Variants in KCNJ5 observed in about 807,000 individuals in gnomAD.
KCNJ5 encodes the protein G protein-activated inward rectifier potassium channel 4.
KCNJ5 carries 12 observed loss-of-function variants against 20.2 expected under a neutral mutation model. The observed-to-expected ratio is 0.59, with a 90% CI of 0.38 to 0.96. KCNJ5 has a LOEUF of 0.96. Ranked by LOEUF, KCNJ5 falls within the 40% of genes least tolerant of loss-of-function variation. KCNJ5 has a pLI of 0.00. For missense variants in KCNJ5, 449 were observed against 557.6 expected (o/e 0.81, Z 1.96); for synonymous variants, 210 against 213.9 (o/e 0.98, Z 0.16).
rs1944611103 is a variant in KCNJ5, at chr11:128,917,878, A to AC, written c.*1151dup. 2 of 152,336 alleles carry AC rather than the reference A, an allele frequency of 1.3e-5. No homozygotes were observed. Among genetic ancestry groups the AC allele is most frequent in the South Asian group, 4.1e-4 (2 of 4,844 alleles). The allele number at this position is 152,336 out of a possible 1,614,324, so 9.4% of individuals were successfully genotyped here. On this transcript the variant is annotated 3_prime_UTR_variant, in exon 3 of 3. Transcript: ENST00000529694. ...AGACCATCCTGGCTAACACGGTGAAACCCCGTCTCTACTGAAAATACAAAA... is the reference window on the plus strand; with the variant it reads ...AGACCATCCTGGCTAACACGGTGAAACCCCCGTCTCTACTGAAAATACAAAA...
chr11:128,891,460 A>AGAGAGG lies in KCNJ5; in HGVS notation c.-267_-266insGGAGAG, dbSNP rs1565540573. 1.4e-3 allele frequency: 208 copies of AGAGAGG among 150,660 alleles called. 1 individual carries two copies. The highest frequency in any genetic ancestry group is 5.0e-3 in the African/African-American group (198 of 39,818). The allele number at this position is 150,660 out of a possible 1,614,324, so 9.3% of individuals were successfully genotyped here. On this transcript the variant is annotated 5_prime_UTR_variant, in exon 1 of 3. Transcript: ENST00000529694. ...CACACACAGAGAGAGAGAGAGAGAG[A>AGAGAGG]GAGAGAGAGAGAGAGATTGTTCCAG...
chr11:128,904,401 G>C (rs762492250), intron 1 of KCNJ5: 1 of 1,613,242 alleles, frequency 6.2e-7, no homozygotes, highest in Non-Finnish European at 8.5e-7. Flanking sequence ...TGCGGACAGA[G>C]AACGCATCAA....
At chr11:128,902,635 G>A (rs1055859188) in intron 1 of KCNJ5, 100 of 1,613,934 alleles carry the variant, frequency 6.2e-5, no homozygotes, top group Non-Finnish European at 8.5e-5. Context: ...CATGGGCCTT[G>A]CAGATTGAGT....
chr11:128,915,987 TGGA>T (rs1944572891), intron 2 of KCNJ5, among the ~76,000 whole-genome samples: 23 of 3,824 alleles, frequency 6.0e-3, no homozygotes, highest in Admixed American at 0.054. Context: ...GATGGATGAT[TGGA>T]TGGATGGATG....
intron 1 of KCNJ5, among the ~76,000 whole-genome samples, chr11:128,897,553 C>A (rs1944197120): frequency 6.6e-6 from 1 of 152,184 alleles, no homozygotes; most frequent in South Asian, 2.1e-4. Context: ...AGATACCAGT[C>A]CTTTGTCAGT....
Position 128,898,032 on chromosome 11 carries a change from T to C in KCNJ5, c.-11+6311T>C, listed in dbSNP as rs536762412. ...TGTCTATCCTTCTGCCAATACCACA[T>C]AGTCTGGAGTTTCCTCATAACTGCA... On this transcript the variant is annotated intron_variant, in intron 1 of 2. Transcript: ENST00000529694. Among the ~76,000 whole-genome samples the C allele has an allele frequency of 2.0e-5, 3 of 152,364 alleles. No individual in the cohort carries two copies. The South Asian group carries it at 6.2e-4, about 32-fold the overall frequency.
Position 128,917,602 on chromosome 11 carries a change from GTTTTGT to G in KCNJ5, c.*875_*880del, listed in dbSNP as rs1944604917. 1 of 148,996 alleles carries G rather than the reference GTTTTGT, an allele frequency of 6.7e-6. No individual in the cohort carries two copies. The highest frequency in any genetic ancestry group is 1.5e-5 in the Non-Finnish European group (1 of 67,584). 9.2% of individuals were successfully genotyped at this position (148,996 alleles called of 1,614,324 possible). A position where few individuals can be genotyped will look rare whatever the true frequency, so the allele number is the denominator to read the frequency against. On this transcript the variant is annotated 3_prime_UTR_variant, in exon 3 of 3. Transcript: ENST00000529694. The stretch of plus-strand genomic sequence containing the variant: ...CACAGTAGTTTTTGTGTTTTGTTTT[GTTTTGT>G]TTTGTTTTGTTTTGTTTTGTTTTGT...
rs772551729 is a variant in KCNJ5, at chr11:128,911,931, C to T, written c.658C>T (p.Arg220Trp). 6 of 1,600,208 alleles carry T rather than the reference C, an allele frequency of 3.7e-6. No individual in the cohort carries two copies. Among genetic ancestry groups the T allele is most frequent in the Non-Finnish European group, 5.1e-6 (6 of 1,171,134 alleles). The change falls in exon 2 of 3, where the codon CGG (arginine) becomes TGG (tryptophan). Residue 220 changes from arginine to tryptophan, a missense_variant. This residue lies in a region of KCNJ5 where 145 missense variants were observed against 166.2 expected (regional missense o/e 0.87). Coordinates refer to ENST00000529694, the MANE Select transcript of KCNJ5 (RefSeq NM_000890.5). This position sits in a 1 kb window ranked among gnomAD's most constrained non-coding sequence, Gnocchi z 6.3. The stretch of plus-strand genomic sequence containing the variant: ...GGACGAGAAGCTGTGCCTCATGTTC[C>T]GGGTGGGCGACCTCCGCAACTCCCA... ...MRDEKLCLMF[R>W]VGDLRNSHIV...
chr11:128,906,084 CT>C (rs1160720967), intron 1 of KCNJ5: 3 of 152,194 alleles, frequency 2.0e-5, no homozygotes, highest in African/African-American at 4.8e-5. Flanking sequence ...GCCCTGCCCC[CT>C]GGTGGAAAAT....
chr11:128,915,031 C>A (rs79972910), intron 2 of KCNJ5, among the ~76,000 whole-genome samples: 9,463 of 152,284 alleles, frequency 0.062, 728 homozygotes, highest in African/African-American at 0.18. Context: ...TGTGTGGGTG[C>A]GCTGGGGCTG....
chr11:128,915,972 GGATGGA>G, intron 2 of KCNJ5, among the ~76,000 whole-genome samples: 1 of 107,424 alleles, frequency 9.3e-6, no homozygotes. Context: ...TTGGATGGAT[GGATGGA>G]TGGATGATTG....
rs1021010931 is a variant in KCNJ5, at chr11:128,919,164, TA to T, written c.*2435del. On this transcript the variant is annotated 3_prime_UTR_variant, in exon 3 of 3. Coordinates refer to ENST00000529694, the MANE Select transcript of KCNJ5 (RefSeq NM_000890.5). ...CAGGTTAGAGCTCATGGGGGTCAACTAAGCGAGGGAGGGAAGGCGAAGGCAA... is the reference window on the plus strand; with the variant it reads ...CAGGTTAGAGCTCATGGGGGTCAACTAGCGAGGGAGGGAAGGCGAAGGCAA... 5 of 152,370 alleles carry T rather than the reference TA, an allele frequency of 3.3e-5. No homozygotes were observed. In the East Asian group the frequency reaches 9.6e-4, roughly 29 times the overall value. 9.4% of individuals were successfully genotyped at this position (152,370 alleles called of 1,614,324 possible).
intron 1 of KCNJ5, among the ~76,000 whole-genome samples, chr11:128,903,048 T>A (rs572388079): frequency 6.6e-6 from 1 of 152,230 alleles, no homozygotes; most frequent in South Asian, 2.1e-4. Context: ...GGCAAGGCAA[T>A]AATGAACTAG....
At chr11:128,892,974 TC>T (rs928403507) in intron 1 of KCNJ5, among the ~76,000 whole-genome samples, 1 of 152,228 alleles carries the variant, frequency 6.6e-6, no homozygotes, top group African/African-American at 2.4e-5. Flanking sequence ...TGGCTTTAAA[TC>T]CAGGGTCTTT....
intron 1 of KCNJ5, chr11:128,902,467 C>A (rs1357709257): frequency 5.3e-5 from 80 of 1,517,518 alleles, no homozygotes; most frequent in Non-Finnish European, 7.1e-5. Flanking sequence ...CAGCGAGGAA[C>A]CCCGCACTTT....
intron 1 of KCNJ5, among the ~76,000 whole-genome samples, chr11:128,904,083 TA>T (rs1944346639): frequency 6.6e-6 from 1 of 152,218 alleles, no homozygotes; most frequent in African/African-American, 2.4e-5. Flanking sequence ...ATGAGGCGAC[TA>T]AAACGGACTT....
chr11:128,915,015 C>T (rs564305505), intron 2 of KCNJ5, among the ~76,000 whole-genome samples: 11 of 152,322 alleles, frequency 7.2e-5, no homozygotes, highest in African/African-American at 1.9e-4. Flanking sequence ...AGGCTGTGGG[C>T]GCACCTGTGT....
Position 128,902,706 on chromosome 11 carries a change from T to C in KCNJ5, c.-10-8558T>C, listed in dbSNP as rs78838391. ...CCTGAGGACTGACAGGTAATGTTTG[T>C]GGCAGACCTGTTGGTGCAAACAGGG... On this transcript the variant is annotated intron_variant, in intron 1 of 2. Coordinates refer to ENST00000529694, the MANE Select transcript of KCNJ5 (RefSeq NM_000890.5). The C allele has an allele frequency of 4.7e-3, 7,477 of 1,606,234 alleles. 256 individuals are homozygous for C. The African/African-American group carries it at 0.08, about 17-fold the overall frequency.
At chr11:128,912,408 T>G (rs1015393789) in intron 2 of KCNJ5, among the ~76,000 whole-genome samples, 198 bp downstream of exon 2, 1 of 152,244 alleles carries the variant, frequency 6.6e-6, no homozygotes, top group Non-Finnish European at 1.5e-5. Context: ...TGACAGGAAC[T>G]TCCCAACTTT....
Sources: gnomAD v4.1 joint callset for allele counts (sites outside exome capture counted in the v4.1 genomes callset) on GRCh38, gnomAD v4.1.1 for gene constraint, gnomAD v4.1.1 regional missense constraint, Gnocchi (gnomAD v3.1) non-coding constraint, MANE v1.5 for transcripts, NCBI Gene and HGNC (gene_info 2026-07-23, HGNC 2026-07-21) for gene names.